The following KCNQ5 variants were observed in gnomAD, a reference collection of about 807,000 sequenced individuals.
The protein encoded by KCNQ5 is potassium voltage-gated channel subfamily Q member 5, also known as potassium voltage-gated channel subfamily KQT member 5.
In KCNQ5, 30 loss-of-function variants were observed where a neutral mutation model predicts 98.2. The ratio of observed to expected loss-of-function variants is 0.31; its 90% CI spans 0.23 to 0.41. The LOEUF is 0.41. Among genes scored for constraint, KCNQ5 ranks in the 10% least tolerant of loss-of-function variants. The pLI, the probability that KCNQ5 is intolerant of heterozygous loss-of-function variation, is 1.00. For missense variants in KCNQ5, 835 were observed against 1,182.5 expected, an observed-to-expected ratio of 0.71 and a Z score of 4.31; for synonymous variants, 458 against 449.4, an observed-to-expected ratio of 1.02 and a Z score of -0.24.
chr6:72,970,921 T>G (rs1767858591), intron 1 of KCNQ5, among the ~76,000 whole-genome samples: 2 of 152,170 alleles, frequency 1.3e-5, no homozygotes, highest in Admixed American at 1.3e-4. Context: ...GGCAATACCA[T>G]TCAGGGCATA....
At chr6:73,035,755 C>G (rs1255985986) in intron 2 of KCNQ5, among the ~76,000 whole-genome samples, 1 of 152,078 alleles carries the variant, frequency 6.6e-6, no homozygotes, top group Non-Finnish European at 1.5e-5. Context: ...CGAGTCTATC[C>G]CATTGTCTAG....
At chr6:73,099,071 T>C (rs1774647695) in intron 5 of KCNQ5, among the ~76,000 whole-genome samples, 1 of 152,116 alleles carries the variant, frequency 6.6e-6, no homozygotes, top group Non-Finnish European at 1.5e-5. Flanking sequence ...CGGAGTTAAA[T>C]TGTGATCAGT....
intron 1 of KCNQ5, among the ~76,000 whole-genome samples, chr6:72,772,002 A>G (rs911322045): frequency 3.9e-5 from 6 of 152,130 alleles, no homozygotes; most frequent in Admixed American, 3.9e-4. Context: ...AAATTCTAAC[A>G]TGATTCATAA....
At chr6:72,667,210 A>C (rs569518574) in intron 1 of KCNQ5, among the ~76,000 whole-genome samples, 4 of 152,294 alleles carry the variant, frequency 2.6e-5, no homozygotes, top group African/African-American at 9.6e-5. Flanking sequence ...ATTGGATCTC[A>C]TCAAGCAAGG....
chr6:72,903,217 C>G (rs547307062), intron 1 of KCNQ5, among the ~76,000 whole-genome samples: 4 of 152,172 alleles, frequency 2.6e-5, no homozygotes, highest in African/African-American at 9.6e-5. Context: ...TTTGGATTCT[C>G]TCTCTTCTCT....
At chr6:72,801,595 G>T (rs1031362734) in intron 1 of KCNQ5, among the ~76,000 whole-genome samples, 3 of 126,702 alleles carry the variant, frequency 2.4e-5, no homozygotes, top group African/African-American at 3.3e-5. Context: ...GCCAGTCTGT[G>T]TCTTTTAATT....
intron 1 of KCNQ5, among the ~76,000 whole-genome samples, chr6:72,963,757 G>T (rs2150272509): frequency 6.6e-6 from 1 of 152,228 alleles, no homozygotes; most frequent in South Asian, 2.1e-4. Context: ...CCACCTCCCA[G>T]ATTCAAGCAA....
At chr6:72,811,710 C>T (rs879774297) in intron 1 of KCNQ5, among the ~76,000 whole-genome samples, 1 of 152,136 alleles carries the variant, frequency 6.6e-6, no homozygotes, top group Non-Finnish European at 1.5e-5. Context: ...CCAGGTGTCT[C>T]TCATTCTTGG....
intron 5 of KCNQ5, among the ~76,000 whole-genome samples, chr6:73,090,879 A>G (rs747530989): frequency 1.3e-4 from 20 of 152,174 alleles, no homozygotes; most frequent in Non-Finnish European, 2.9e-4. Flanking sequence ...TGGTGGGAGT[A>G]TAAATTAGTT....
chr6:72,722,504 G>A (rs2154475414), intron 1 of KCNQ5, among the ~76,000 whole-genome samples: 1 of 152,200 alleles, frequency 6.6e-6, no homozygotes, highest in South Asian at 2.1e-4. Context: ...CAACTACCTT[G>A]GAGAAGTTTC....
chr6:72,661,505 C>T (rs1309729192), intron 1 of KCNQ5, among the ~76,000 whole-genome samples: 1 of 152,072 alleles, frequency 6.6e-6, no homozygotes, highest in African/African-American at 2.4e-5. Flanking sequence ...ATTGAGAATA[C>T]ATAGAAGATT....
At chr6:73,054,707 G>A (rs1008278368) in intron 3 of KCNQ5, among the ~76,000 whole-genome samples, 1 of 152,112 alleles carries the variant, frequency 6.6e-6, no homozygotes, top group African/African-American at 2.4e-5. Flanking sequence ...AATAATAAGA[G>A]CCATCTATAA....
rs1436245249 is a variant in KCNQ5 at position 72,622,496 on chromosome 6, C to G, written c.307C>G (p.Arg103Gly). The stretch of plus-strand genomic sequence containing the variant: ...CTCTTACACGAGTAGCCAGAGCTGC[C>G]GGCGCAACGTCAAGTACCGGCGGGT... ...PLSYTSSQSCRRNVKYRRVQN... is the reference protein window; with the variant it reads ...PLSYTSSQSCGRNVKYRRVQN... The change falls in exon 1 of 14, where the codon CGG (arginine) becomes GGG (glycine). Residue 103 changes from arginine to glycine, a missense_variant. Coordinates refer to ENST00000370398, the MANE Select transcript of KCNQ5 (RefSeq NM_019842.4). The surrounding 1 kb of genome is among the most constrained non-coding windows in gnomAD (Gnocchi z 6.0). 2.5e-6 allele frequency: 4 copies of G among 1,610,160 alleles called. No individual in the cohort carries two copies. In the South Asian group the frequency reaches 3.3e-5, roughly 13 times the overall value.
At chr6:73,065,662 G>A (rs1370303563) in intron 3 of KCNQ5, among the ~76,000 whole-genome samples, 1 of 152,234 alleles carries the variant, frequency 6.6e-6, no homozygotes, top group Non-Finnish European at 1.5e-5. Flanking sequence ...TCTGGCTGGA[G>A]CCTTCTCTCA....
At chr6:72,692,209 A>G (rs1285584160) in intron 1 of KCNQ5, among the ~76,000 whole-genome samples, 1 of 152,220 alleles carries the variant, frequency 6.6e-6, no homozygotes. Flanking sequence ...CAAGAAGCCC[A>G]CAGACTGGGA....
intron 1 of KCNQ5, among the ~76,000 whole-genome samples, chr6:72,770,216 A>C (rs1031255874): frequency 6.6e-6 from 1 of 152,170 alleles, no homozygotes; most frequent in African/African-American, 2.4e-5. Flanking sequence ...TTTGTTGTCA[A>C]TAATCCAAAA....
intron 1 of KCNQ5, among the ~76,000 whole-genome samples, chr6:72,748,341 G>T (rs781536893): frequency 4.6e-5 from 7 of 152,046 alleles, no homozygotes; most frequent in Non-Finnish European, 1.0e-4. Flanking sequence ...TGTGCCCTGG[G>T]TTCTTTTTAC....
At chr6:73,065,772 T>C (rs574802301) in intron 3 of KCNQ5, among the ~76,000 whole-genome samples, 36 of 152,354 alleles carry the variant, frequency 2.4e-4, no homozygotes, top group African/African-American at 8.4e-4. Flanking sequence ...GAACCATTTT[T>C]CCTTAGATAT....
chr6:72,895,283 G>C (rs965744600), intron 1 of KCNQ5, among the ~76,000 whole-genome samples: 3 of 148,370 alleles, frequency 2.0e-5, no homozygotes, highest in African/African-American at 5.0e-5. Flanking sequence ...AGCGAGACTC[G>C]GTCTCAAAAA....
Sources: gnomAD v4.1 joint callset for allele counts (sites outside exome capture counted in the v4.1 genomes callset) on GRCh38, gnomAD v4.1.1 for gene constraint, Gnocchi (gnomAD v3.1) non-coding constraint, MANE v1.5 for transcripts, NCBI Gene and HGNC (gene_info 2026-07-23, HGNC 2026-07-21) for gene names.